The following EHD2 variants were observed in gnomAD, a reference collection of about 807,000 sequenced individuals.
The protein encoded by EHD2 is EH domain containing 2.
Under a neutral mutation model 41.0 loss-of-function variants are expected in EHD2, and 27 were observed. The ratio of observed to expected loss-of-function variants is 0.66; its 90% CI spans 0.49 to 0.91. The LOEUF (loss-of-function observed/expected upper bound fraction) is 0.91. Ranked by LOEUF, EHD2 falls within the 40% of genes least tolerant of loss-of-function variation. EHD2 has a pLI of 0.00. For synonymous variants in EHD2, 342 were observed against 341.0 expected (o/e 1.00, Z -0.03); for missense variants, 673 against 773.9 (o/e 0.87, Z 1.55).
At chr19:47,728,916 G>T (rs1299673073) in intron 4 of EHD2, among the ~76,000 whole-genome samples, 1 of 151,044 alleles carries the variant, frequency 6.6e-6, no homozygotes, top group Non-Finnish European at 1.5e-5. Context: ...CCAGTGCCCG[G>T]AACAGAATTG....
At chr19:47,724,463 C>T (rs1053007977) in intron 3 of EHD2, among the ~76,000 whole-genome samples, 2 of 152,186 alleles carry the variant, frequency 1.3e-5, no homozygotes, top group South Asian at 4.1e-4. Context: ...AGAGGAGGGA[C>T]TCAACTCCAG....
chr19:47,730,066 CAG>C (rs1278106628), intron 4 of EHD2, among the ~76,000 whole-genome samples: 4 of 152,014 alleles, frequency 2.6e-5, no homozygotes, highest in African/African-American at 7.2e-5. Flanking sequence ...GGCCCAGGGA[CAG>C]AGGGGTGGGT....
At position 47,716,873 on chromosome 19, in the gene EHD2, C is replaced by T. The variant is rs370686939; in HGVS notation, c.261C>T (p.Arg87=). ...TGGAGCAGGAGGTGCCCGGCTCCCG[C>T]GTGGGGCCTGAGCCCACCACCGACT... ...YLLEQEVPGS[R]VGPEPTTDCF... The change falls in exon 2 of 6, where the codon CGC becomes CGT. Residue 87 remains arginine (R), a synonymous_variant. Coordinates refer to ENST00000263277, the MANE Select transcript of EHD2 (RefSeq NM_014601.4). 2.1e-5 allele frequency: 34 copies of T among 1,612,194 alleles called. 1 individual carries two copies. Among genetic ancestry groups the T allele is most frequent in the Non-Finnish European group, 2.5e-5 (29 of 1,179,382 alleles).
In EHD2 at chr19:47,719,161, C is replaced by T. The variant is rs1360013570; in HGVS notation, c.502+555C>T. On this transcript the variant is annotated intron_variant, in intron 3 of 5. Transcript: ENST00000263277. The surrounding 1 kb of genome is among the most constrained non-coding windows in gnomAD (Gnocchi z 4.1). ...GTGGTGGGAGCGGGCAGGAGCCGCA[C>T]GTCTGGGCAGGCAGGAAGGATGGGA... Among the ~76,000 whole-genome samples, 2 of 152,052 alleles carry T rather than the reference C, an allele frequency of 1.3e-5. No homozygotes were observed. The highest frequency in any genetic ancestry group is 2.4e-5 in the African/African-American group (1 of 41,398).
At position 47,741,084 on chromosome 19, in the gene EHD2, C is replaced by T. The variant is rs377033461; in HGVS notation, c.1284C>T (p.Asp428=). 65 of 1,609,620 alleles carry T rather than the reference C, an allele frequency of 4.0e-5. No individual in the cohort carries two copies. The highest frequency in any genetic ancestry group is 9.3e-5 in the African/African-American group (7 of 74,900). Residue 428 remains aspartate, a synonymous_variant, in exon 6 of 6, where the codon GAC becomes GAT. Coordinates refer to ENST00000263277, the MANE Select transcript of EHD2 (RefSeq NM_014601.4). This position sits in a 1 kb window ranked among gnomAD's most constrained non-coding sequence, Gnocchi z 4.5. ...GCCCGTTTGTGGAGCGGGGACCTGA[C>T]GAGGCCATGGAGGACGGCGAGGAGG... The part of the protein sequence containing the change: ...HMGPFVERGP[D]EAMEDGEEGS...
At chr19:47,737,180 A>G (rs544006023) in intron 5 of EHD2, among the ~76,000 whole-genome samples, 40 of 149,878 alleles carry the variant, frequency 2.7e-4, no homozygotes, top group African/African-American at 9.4e-4. Flanking sequence ...GCACTGAGCC[A>G]AGATAGCGCC....
chr19:47,741,223 T>A lies in EHD2; in HGVS notation c.1423T>A (p.Trp475Arg). The change falls in exon 6 of 6, where the codon TGG (tryptophan) becomes AGG (arginine). Residue 475 changes from tryptophan (W) to arginine (R), a missense_variant. Trp to Arg is a moderately radical substitution (Grantham distance 101). Coordinates refer to ENST00000263277, the MANE Select transcript of EHD2 (RefSeq NM_014601.4). This position sits in a 1 kb window ranked among gnomAD's most constrained non-coding sequence, Gnocchi z 4.5. ...GCTGAGCGGCTCCAAGGCCAAGACC[T>A]GGATGGTGGGGACCAAGCTCCCCAA... ...GKLSGSKAKT[W>R]MVGTKLPNSV... 6.2e-7 allele frequency: 1 copy of A among 1,613,868 alleles called. No individual in the cohort carries two copies. Among genetic ancestry groups the A allele is most frequent in the Non-Finnish European group, 8.5e-7 (1 of 1,179,912 alleles).
intron 3 of EHD2, among the ~76,000 whole-genome samples, chr19:47,725,036 C>T (rs1973735816): frequency 7.0e-6 from 1 of 142,716 alleles, no homozygotes; most frequent in African/African-American, 2.6e-5. Flanking sequence ...TCTGCTATGG[C>T]AAGAGCACAG....
Position 47,726,296 on chromosome 19 carries a change from A to G in EHD2, c.915+72A>G, listed in dbSNP as rs948540622. 2.1e-6 allele frequency: 3 copies of G among 1,431,638 alleles called. No individual in the cohort carries two copies. In the East Asian group the frequency reaches 7.5e-5, roughly 36 times the overall value. 88.7% of individuals were successfully genotyped at this position (1,431,638 alleles called of 1,614,324 possible). On this transcript the variant is annotated intron_variant, in intron 4 of 5. Coordinates refer to ENST00000263277, the MANE Select transcript of EHD2 (RefSeq NM_014601.4). ...TCGGTCCTCTCCTACCAGTGCTGTGAGTCCCTGACTTATCAGGGCCCAGGT... is the reference window on the plus strand; with the variant it reads ...TCGGTCCTCTCCTACCAGTGCTGTGGGTCCCTGACTTATCAGGGCCCAGGT...
intron 5 of EHD2, among the ~76,000 whole-genome samples, chr19:47,737,054 AC>A (rs1568593651): frequency 1.3e-5 from 2 of 151,780 alleles, no homozygotes; most frequent in Non-Finnish European, 2.9e-5. Context: ...ACACGGTGAA[AC>A]CCCGTCTCTA....
intron 2 of EHD2, 94 bp downstream of exon 2, chr19:47,717,110 C>T (rs762290471): frequency 2.4e-5 from 36 of 1,498,700 alleles, no homozygotes; most frequent in African/African-American, 4.1e-5. Flanking sequence ...TGCAGTGGTG[C>T]GATCTCAGCT....
chr19:47,717,326 C>G (rs1453903065), intron 2 of EHD2, among the ~76,000 whole-genome samples: 2 of 151,900 alleles, frequency 1.3e-5, no homozygotes, highest in African/African-American at 4.8e-5. Context: ...TGGGATTACA[C>G]GAGTGAGCCA....
chr19:47,735,777 T>C lies in EHD2; in HGVS notation c.916-592T>C, dbSNP rs1324190005. On this transcript the variant is annotated intron_variant, in intron 4 of 5. Transcript: ENST00000263277. Reference sequence around the variant, plus strand: ...AAAATTAGCCGGGTGTGGTGGCGCATGCCTGTTAATCCCAACTACTTGGGA... The same window carrying C: ...AAAATTAGCCGGGTGTGGTGGCGCACGCCTGTTAATCCCAACTACTTGGGA... Among the ~76,000 whole-genome samples the C allele has an allele frequency of 2.0e-5, 3 of 151,926 alleles. No individual in the cohort carries two copies. The East Asian group carries it at 5.8e-4, about 29-fold the overall frequency.
Position 47,741,031 on chromosome 19 carries a change from G to T in EHD2, c.1231G>T (p.Gly411Trp). 1 of 1,610,082 alleles carries T rather than the reference G, an allele frequency of 6.2e-7. No individual in the cohort carries two copies. The change falls in exon 6 of 6, where the codon GGG becomes TGG. Residue 411 changes from glycine (G) to tryptophan (W), a missense_variant. Physicochemically the swap from Gly to Trp is radical, Grantham distance 184. Coordinates refer to ENST00000263277, the MANE Select transcript of EHD2 (RefSeq NM_014601.4). The surrounding 1 kb of genome is among the most constrained non-coding windows in gnomAD (Gnocchi z 4.5). ...ELESTEVGVQ[G>W]GAFEGTHMGP... ...GGAGAGCACCGAGGTGGGCGTGCAGGGGGGCGCTTTTGAGGGCACCCACAT... is the reference window on the plus strand; with the variant it reads ...GGAGAGCACCGAGGTGGGCGTGCAGTGGGGCGCTTTTGAGGGCACCCACAT...
rs1311231234 is a variant in EHD2, at chr19:47,719,135, C to A, written c.502+529C>A. Among the ~76,000 whole-genome samples, 1 of 152,008 alleles carries A rather than the reference C, an allele frequency of 6.6e-6. No individual in the cohort carries two copies. The highest frequency in any genetic ancestry group is 2.4e-5 in the African/African-American group (1 of 41,388). On this transcript the variant is annotated intron_variant, in intron 3 of 5. Transcript: ENST00000263277. This position sits in a 1 kb window ranked among gnomAD's most constrained non-coding sequence, Gnocchi z 4.1. ...GGTGGGGGAGGTGTGTGGGTGACCACGTGGTGGGAGCGGGCAGGAGCCGCA... is the reference window on the plus strand; with the variant it reads ...GGTGGGGGAGGTGTGTGGGTGACCAAGTGGTGGGAGCGGGCAGGAGCCGCA...
At chr19:47,731,299 T>C (rs1300508053) in intron 4 of EHD2, 2 of 96,242 alleles carry the variant, frequency 2.1e-5, no homozygotes, top group African/African-American at 6.1e-5. Context: ...TATATATATA[T>C]ATACATATAT....
intron 4 of EHD2, among the ~76,000 whole-genome samples, chr19:47,729,422 G>A (rs1973785702): frequency 6.6e-6 from 1 of 152,092 alleles, no homozygotes; most frequent in Admixed American, 6.6e-5. Flanking sequence ...CCTTTTGGAG[G>A]GTGGATTCAA....
In EHD2 at chr19:47,716,937, G is replaced by A. The variant is rs148032446; in HGVS notation, c.325G>A (p.Val109Met). The A allele has an allele frequency of 1.1e-5, 18 of 1,609,326 alleles. No individual in the cohort carries two copies. Among genetic ancestry groups the A allele is most frequent in the African/African-American group, 1.1e-4 (8 of 74,952 alleles). The part of the protein sequence containing the change: ...AVMHGDTEGT[V>M]PGNALVVDPD... ...CATGCACGGGGACACTGAGGGCACC[G>A]TGCCCGGCAACGCCCTCGTCGTGGA... Residue 109 changes from valine (V) to methionine (M), a missense_variant, in exon 2 of 6, where the codon GTG (valine) becomes ATG (methionine). Transcript: ENST00000263277.
intron 3 of EHD2, among the ~76,000 whole-genome samples, chr19:47,723,634 C>T (rs933331697): frequency 7.6e-6 from 1 of 130,736 alleles, no homozygotes; most frequent in Admixed American, 9.5e-5. Context: ...CCAACCTGGG[C>T]GACAGCGAGA....
Sources: gnomAD v4.1 joint callset for allele counts (sites outside exome capture counted in the v4.1 genomes callset) on GRCh38, gnomAD v4.1.1 for gene constraint, Gnocchi (gnomAD v3.1) non-coding constraint, MANE v1.5 for transcripts, NCBI Gene and HGNC (gene_info 2026-07-23, HGNC 2026-07-21) for gene names.